CEP72: variants seen among roughly 807,000 people sequenced by gnomAD.
CEP72 encodes centrosomal protein 72, also known as centrosomal protein of 72 kDa.
In CEP72, 78 loss-of-function variants were observed where a neutral mutation model predicts 65.7. The observed-to-expected ratio is 1.19, with a 90% confidence interval of 0.99 to 1.43. The LOEUF is 1.43. CEP72 is among the 40% of genes most tolerant of loss of function. The pLI, the probability that CEP72 is intolerant of heterozygous loss-of-function variation, is 0.00. For missense variants in CEP72, 914 were observed against 832.9 expected (o/e 1.10, Z -1.20); for synonymous variants, 358 against 351.7 (o/e 1.02, Z -0.20).
chr5:646,121 T>A (rs1624552), intron 10 of CEP72, among the ~76,000 whole-genome samples: 4 of 152,034 alleles, frequency 2.6e-5, no homozygotes, highest in East Asian at 1.9e-4. Context: ...ATTCGGCTTC[T>A]TTCCACGGCG....
intron 10 of CEP72, among the ~76,000 whole-genome samples, chr5:647,102 C>T (rs1017961442): frequency 2.0e-5 from 3 of 152,232 alleles, no homozygotes; most frequent in East Asian, 1.9e-4. Context: ...GATGCTCCTG[C>T]GGCACTGCTG....
At position 639,173 on chromosome 5, in the gene CEP72, G is replaced by T. The variant is rs1375379678; in HGVS notation, c.1291G>T (p.Asp431Tyr). Residue 431 changes from aspartate to tyrosine, a missense_variant, in exon 8 of 12, where the codon GAC (aspartate) becomes TAC (tyrosine). Asp to Tyr is a radical substitution (Grantham distance 160). Coordinates refer to ENST00000264935, the MANE Select transcript of CEP72 (RefSeq NM_018140.4). ...CCTGGAGACGCTCTTGGACCTGGTG[G>T]ACAGGAGCTGGGGCGGCTGCAGGTC... The part of the protein sequence containing the change: ...ALLETLLDLV[D>Y]RSWGGCRSLH... The T allele has an allele frequency of 6.2e-7, 1 of 1,610,070 alleles. No homozygotes were observed. The highest frequency in any genetic ancestry group is 1.7e-5 in the Admixed American group (1 of 59,800).
intron 4 of CEP72, among the ~76,000 whole-genome samples, chr5:628,334 T>C (rs1736888937): frequency 6.6e-6 from 1 of 152,236 alleles, no homozygotes; most frequent in African/African-American, 2.4e-5. Flanking sequence ...CCCAAGGAAC[T>C]ATGCTCAGTG....
intron 11 of CEP72, among the ~76,000 whole-genome samples, chr5:652,126 C>T (rs543374905): frequency 2.6e-5 from 4 of 152,294 alleles, no homozygotes; most frequent in South Asian, 2.1e-4. Context: ...CATGTGACTC[C>T]CTGGAACCTG....
downstream of CEP72, among the ~76,000 whole-genome samples, chr5:658,296 A>T (rs1739436024): frequency 6.6e-6 from 1 of 152,224 alleles, no homozygotes; most frequent in South Asian, 2.1e-4. Flanking sequence ...AATGCGAACC[A>T]CAGGGAGCTC....
At chr5:670,603 C>T (rs765512082), downstream of CEP72, among the ~76,000 whole-genome samples, 6 of 152,100 alleles carry the variant, frequency 3.9e-5, no homozygotes, top group Non-Finnish European at 8.8e-5. Context: ...CTGGTAGGGA[C>T]GCGGCCTTAG....
Position 612,359 on chromosome 5 carries a change from A to G in CEP72, c.-3A>G. ...GGCGCCGTCCGAGGGCTCCGTTTGAAACATGGCGCGGGCTGGCCCTCGGCT... is the reference window on the plus strand; with the variant it reads ...GGCGCCGTCCGAGGGCTCCGTTTGAGACATGGCGCGGGCTGGCCCTCGGCT... On this transcript the variant is annotated 5_prime_UTR_variant, in exon 1 of 12. Coordinates refer to ENST00000264935, the MANE Select transcript of CEP72 (RefSeq NM_018140.4). The G allele has an allele frequency of 6.7e-7, 1 of 1,488,754 alleles. No homozygotes were observed. Among genetic ancestry groups the G allele is most frequent in the South Asian group, 1.3e-5 (1 of 79,478 alleles). 92.2% of individuals were successfully genotyped at this position (1,488,754 alleles called of 1,614,324 possible).
chr5:652,591 AATTAGAACT>A (rs1739180135), intron 11 of CEP72, among the ~76,000 whole-genome samples: 1 of 152,194 alleles, frequency 6.6e-6, no homozygotes. Context: ...TTTGACTGGG[AATTAGAACT>A]ATTTCAGTCC....
chr5:669,541 C>T (rs183255124), downstream of CEP72, among the ~76,000 whole-genome samples: 27 of 152,302 alleles, frequency 1.8e-4, no homozygotes, highest in African/African-American at 6.3e-4. Context: ...TATTCCCACC[C>T]TGCCCAAGCT....
At chr5:656,618 A>C, downstream of CEP72, among the ~76,000 whole-genome samples, 1 of 152,144 alleles carries the variant, frequency 6.6e-6, no homozygotes, top group South Asian at 2.1e-4. Flanking sequence ...TTTGTGTATT[A>C]ATTTGTATCC....
rs1579991462 is a variant in CEP72, at chr5:639,666, G to A, written c.1342+442G>A. The stretch of plus-strand genomic sequence containing the variant: ...AGGAGGGTGGTCCCTCCCCAGAGAG[G>A]ACTTGGGTCTGTTGGATTCTACCAG... On this transcript the variant is annotated intron_variant, in intron 8 of 11. Coordinates refer to ENST00000264935, the MANE Select transcript of CEP72 (RefSeq NM_018140.4). Among the ~76,000 whole-genome samples, 3 of 152,318 alleles carry A rather than the reference G, an allele frequency of 2.0e-5. No homozygotes were observed. The South Asian group carries it at 6.2e-4, about 32-fold the overall frequency.
rs530190727 is a variant in CEP72, at chr5:644,723, G to T, written c.1666+298G>T. On this transcript the variant is annotated intron_variant, in intron 10 of 11. Transcript: ENST00000264935. Reference sequence around the variant, plus strand: ...GGTGTCAGGGCTGCAGCTGCTGGAGGGGCCTGGTCACTGTGGGGTTTGCTG... The same window carrying T: ...GGTGTCAGGGCTGCAGCTGCTGGAGTGGCCTGGTCACTGTGGGGTTTGCTG... Among the ~76,000 whole-genome samples, 8 of 152,316 alleles carry T rather than the reference G, an allele frequency of 5.3e-5. No individual in the cohort carries two copies. In the East Asian group the frequency reaches 1.4e-3, roughly 26 times the overall value.
In CEP72 at chr5:648,797, T is replaced by G. The variant is rs1201252642; in HGVS notation, c.1778+881T>G. ...GAGGTGTGACTGTGAGGTGTGACTG[T>G]GAGGCGTGGACTGTGAGGTGTGACT... On this transcript the variant is annotated intron_variant, in intron 11 of 11. Transcript: ENST00000264935. 1.6e-3 allele frequency among the ~76,000 whole-genome samples: 145 copies of G among 93,374 alleles called. 2 individuals carry two copies. The highest frequency in any genetic ancestry group is 2.1e-3 in the Non-Finnish European group (87 of 40,620). 61.3% of individuals were successfully genotyped at this position (93,374 alleles called of 152,430 possible).
chr5:666,223 G>T, intron 4 of CEP72: 1 of 1,397,180 alleles, frequency 7.2e-7, no homozygotes. Context: ...TGGCCCAGCA[G>T]CCCACAGGCT....
Position 620,153 on chromosome 5 carries a change from G to A in CEP72, c.295G>A (p.Ala99Thr), listed in dbSNP as rs1347020589. ...GTTGGCAGAAGTGTTTCGGCTCCAC[G>A]CCTTAACCGAGCTCGTGGATGTGGA... is the stretch of plus-strand genomic sequence containing the variant. Reference protein sequence around the residue: ...SSLAEVFRLHALTELVDVDFR... With the variant: ...SSLAEVFRLHTLTELVDVDFR... The change falls in exon 3 of 12, where the codon GCC becomes ACC. Residue 99 changes from alanine (A) to threonine (T), a missense_variant. Physicochemically the swap from Ala to Thr is moderately conservative, Grantham distance 58. Transcript: ENST00000264935. The A allele has an allele frequency of 1.9e-6, 3 of 1,614,120 alleles. No homozygotes were observed. Among genetic ancestry groups the A allele is most frequent in the African/African-American group, 2.7e-5 (2 of 75,016 alleles).
chr5:649,065 TG>T (rs768606690), intron 11 of CEP72, among the ~76,000 whole-genome samples: 35 of 82,494 alleles, frequency 4.2e-4, no homozygotes, highest in Admixed American at 9.0e-4. Context: ...CTGTGAGGTG[TG>T]GACTGTGAGG....
chr5:659,058 C>T (rs529798059), downstream of CEP72, among the ~76,000 whole-genome samples: 6 of 152,364 alleles, frequency 3.9e-5, no homozygotes, highest in East Asian at 9.6e-4. Context: ...TTTCCCTCTT[C>T]ACTTTTGCCA....
intron 11 of CEP72, among the ~76,000 whole-genome samples, chr5:649,209 T>C (rs141426396): frequency 5.9e-4 from 36 of 60,588 alleles, no homozygotes; most frequent in South Asian, 3.9e-3. Flanking sequence ...GACTGTGAGG[T>C]GTGGACTGTG....
At chr5:616,935 T>C (rs566346215) in intron 1 of CEP72, among the ~76,000 whole-genome samples, 67 of 151,640 alleles carry the variant, frequency 4.4e-4, no homozygotes, top group Non-Finnish European at 4.0e-4. Flanking sequence ...TGTGCGTGTG[T>C]GTATGTGTTG....
Sources: gnomAD v4.1 joint callset for allele counts (sites outside exome capture counted in the v4.1 genomes callset) on GRCh38, gnomAD v4.1.1 for gene constraint, MANE v1.5 for transcripts, NCBI Gene and HGNC (gene_info 2026-07-23, HGNC 2026-07-21) for gene names.